MBNL1: variants seen among roughly 807,000 people sequenced by gnomAD.
MBNL1 encodes the protein muscleblind like splicing regulator 1.
Under a neutral mutation model 42.2 loss-of-function variants are expected in MBNL1, and 8 were observed. That is an observed-to-expected ratio of 0.19 (90% CI 0.11 to 0.34). MBNL1 has a LOEUF of 0.34. MBNL1 is among the 10% of genes least tolerant of loss of function. The pLI is 1.00. For synonymous variants in MBNL1, 169 were observed against 173.9 expected (o/e 0.97, Z 0.22); for missense variants, 309 against 495.3 (o/e 0.62, Z 3.57).
intron 2 of MBNL1, among the ~76,000 whole-genome samples, chr3:152,314,924 T>C (rs2069712615): frequency 6.6e-6 from 1 of 152,210 alleles, no homozygotes; most frequent in Admixed American, 6.5e-5. Context: ...AGTTATGTGT[T>C]TACAGTTTGA....
At chr3:152,402,688 G>A (rs901550518) in intron 2 of MBNL1, among the ~76,000 whole-genome samples, 1 of 152,182 alleles carries the variant, frequency 6.6e-6, no homozygotes, top group Non-Finnish European at 1.5e-5. Context: ...GGAAATGGTA[G>A]AAGACTAGAG....
upstream of MBNL1, chr3:152,267,973 C>G (rs1309758520): frequency 6.6e-6 from 1 of 152,108 alleles, no homozygotes; most frequent in African/African-American, 2.4e-5. Context: ...GAAATCCTGC[C>G]CCCAGTCTCC....
intron 2 of MBNL1, among the ~76,000 whole-genome samples, chr3:152,316,867 TTTTA>T (rs953176649): frequency 5.3e-5 from 8 of 152,168 alleles, no homozygotes; most frequent in East Asian, 1.9e-4. Flanking sequence ...CTTTTTCTTC[TTTTA>T]TTTATTTATT....
chr3:152,312,973 A>G (rs927336942), intron 2 of MBNL1, among the ~76,000 whole-genome samples: 1 of 152,290 alleles, frequency 6.6e-6, no homozygotes, highest in Non-Finnish European at 1.5e-5. Context: ...TCATCAAACT[A>G]GGATCTTCAG....
At chr3:152,273,565 G>C (rs192813098) in intron 1 of MBNL1, among the ~76,000 whole-genome samples, 4 of 152,070 alleles carry the variant, frequency 2.6e-5, no homozygotes, top group African/African-American at 7.2e-5. Flanking sequence ...TACACATTTG[G>C]TTCTTTTTCT....
chr3:152,339,876 G>A (rs1205070074), intron 2 of MBNL1: 1 of 152,090 alleles, frequency 6.6e-6, no homozygotes, highest in African/African-American at 2.4e-5. Context: ...GCTGTAAGAT[G>A]AGCAAAAGAA....
chr3:152,446,028 A>T (rs942940993), intron 5 of MBNL1, among the ~76,000 whole-genome samples: 4 of 152,182 alleles, frequency 2.6e-5, no homozygotes, highest in African/African-American at 9.7e-5. Flanking sequence ...TTTGAGTAGT[A>T]TACTATCTAG....
At chr3:152,341,077 A>G (rs2093071543) in intron 2 of MBNL1, 9 of 776,010 alleles carry the variant, frequency 1.2e-5, no homozygotes, top group Non-Finnish European at 1.7e-5. Context: ...ATTCAAGTTT[A>G]TTCCCTCTAG....
rs1316755870 is a variant in MBNL1 at position 152,258,797 on chromosome 3, T to G, written n.333+14357T>G. On this transcript the variant is annotated intron_variant and non_coding_transcript_variant, in intron 2 of 2. Transcript: ENST00000477171. ...ATGCCCAAAGTTATGCCACATATCG[T>G]CTAAGCATACCTTCTTTCTAACAAT... 2.6e-5 allele frequency among the ~76,000 whole-genome samples: 4 copies of G among 152,228 alleles called. 1 individual carries two copies. The highest frequency in any genetic ancestry group is 5.9e-5 in the Non-Finnish European group (4 of 68,046).
Position 152,341,881 on chromosome 3 carries a change from G to A in MBNL1, c.174+41514G>A, listed in dbSNP as rs537727666. Reference sequence around the variant, plus strand: ...TTCACTTCAAAAACAAAATATTCCTGTTTATTATTTTTAGGTGGAAATAAA... The same window carrying A: ...TTCACTTCAAAAACAAAATATTCCTATTTATTATTTTTAGGTGGAAATAAA... On this transcript the variant is annotated intron_variant, in intron 2 of 9. Coordinates refer to ENST00000324210, the MANE Select transcript of MBNL1 (RefSeq NM_021038.5). 3.9e-5 allele frequency among the ~76,000 whole-genome samples: 6 copies of A among 152,186 alleles called. No homozygotes were observed. In the East Asian group the frequency reaches 1.2e-3, roughly 29 times the overall value.
In MBNL1 at chr3:152,425,960, A is replaced by G. The variant is rs569735385; in HGVS notation, c.346-6757A>G. Among the ~76,000 whole-genome samples the G allele has an allele frequency of 3.1e-3, 479 of 152,340 alleles. 4 individuals are homozygous for G. Among genetic ancestry groups the G allele is most frequent in the African/African-American group, 0.011 (440 of 41,572 alleles). The stretch of plus-strand genomic sequence containing the variant: ...TTGGAACCAACCCAAATGTCCATCA[A>G]TGATAGACTGGATAAAGAAAATGTG... On this transcript the variant is annotated intron_variant, in intron 3 of 9. Coordinates refer to ENST00000324210, the MANE Select transcript of MBNL1 (RefSeq NM_021038.5).
intron 2 of MBNL1, chr3:152,338,598 G>T (rs1463213758): frequency 1.0e-6 from 1 of 985,240 alleles, no homozygotes; most frequent in Non-Finnish European, 1.2e-6. Context: ...GACTCTGGGA[G>T]GAAGAGAATG....
intron 2 of MBNL1, among the ~76,000 whole-genome samples, chr3:152,391,406 C>G (rs192308873): frequency 3.3e-5 from 5 of 152,310 alleles, no homozygotes. Flanking sequence ...TTTGACACTA[C>G]CTTTCAAATT....
chr3:152,359,586 C>T (rs1047691357), intron 2 of MBNL1, among the ~76,000 whole-genome samples: 1 of 152,168 alleles, frequency 6.6e-6, no homozygotes, highest in Non-Finnish European at 1.5e-5. Context: ...TCAGCTATTG[C>T]CAGCCAGTGT....
chr3:152,275,772 G>A (rs115976680), intron 1 of MBNL1, among the ~76,000 whole-genome samples: 2,096 of 148,276 alleles, frequency 0.014, 42 homozygotes, highest in African/African-American at 0.049. Flanking sequence ...AAACAAAAAC[G>A]GACCTCATTA....
intron 2 of MBNL1, among the ~76,000 whole-genome samples, chr3:152,322,174 A>G (rs2076858335): frequency 6.6e-6 from 1 of 152,100 alleles, no homozygotes. Flanking sequence ...TTCTAACTCC[A>G]TGTTCCCTGT....
chr3:152,310,827 G>A (rs1187289329), intron 2 of MBNL1, among the ~76,000 whole-genome samples: 1 of 151,848 alleles, frequency 6.6e-6, no homozygotes, highest in Non-Finnish European at 1.5e-5. Flanking sequence ...GTTTGGGGGG[G>A]TTGGGGGGAA....
chr3:152,387,172 G>A (rs1327341646), intron 2 of MBNL1, among the ~76,000 whole-genome samples: 1 of 150,544 alleles, frequency 6.6e-6, no homozygotes, highest in Non-Finnish European at 1.5e-5. Flanking sequence ...ATCAGGTGTT[G>A]TATCTTTTGT....
upstream of MBNL1, chr3:152,263,526 G>A (rs2036663496): frequency 6.6e-6 from 1 of 152,128 alleles, no homozygotes; most frequent in Admixed American, 6.5e-5. Flanking sequence ...CCATTGCCGA[G>A]GGTCTTCAAC....
Sources: gnomAD v4.1 joint callset for allele counts (sites outside exome capture counted in the v4.1 genomes callset) on GRCh38, gnomAD v4.1.1 for gene constraint, MANE v1.5 for transcripts, NCBI Gene and HGNC (gene_info 2026-07-23, HGNC 2026-07-21) for gene names.